The following RIMS2 variants were observed in gnomAD, a reference collection of about 807,000 sequenced individuals.
RIMS2 encodes regulating synaptic membrane exocytosis 2.
A neutral mutation model predicts 174.4 loss-of-function variants in RIMS2; 59 were observed. That is an observed-to-expected ratio of 0.34 (90% CI 0.27 to 0.42). RIMS2 has a LOEUF of 0.42. Ranked by LOEUF, RIMS2 falls within the 10% of genes least tolerant of loss-of-function variation. RIMS2 has a pLI of 1.00. For missense variants in RIMS2, 1,620 were observed against 1,666.3 expected, an observed-to-expected ratio of 0.97 and a Z score of 0.48; for synonymous variants, 606 against 572.5, an observed-to-expected ratio of 1.06 and a Z score of -0.84.
chr8:103,835,444 T>G (rs2098876344), intron 3 of RIMS2, among the ~76,000 whole-genome samples: 1 of 148,038 alleles, frequency 6.8e-6, no homozygotes, highest in Non-Finnish European at 1.5e-5. Context: ...AGGCATTGAT[T>G]GAATTTGGTT....
At chr8:104,228,184 A>G (rs2099201164) in intron 19 of RIMS2, among the ~76,000 whole-genome samples, 1 of 151,962 alleles carries the variant, frequency 6.6e-6, no homozygotes, top group Admixed American at 6.6e-5. Flanking sequence ...ATGTGCCACC[A>G]TGCCTGGCTA....
intron 3 of RIMS2, among the ~76,000 whole-genome samples, chr8:103,876,983 A>G (rs989751009): frequency 2.1e-5 from 3 of 142,366 alleles, no homozygotes; most frequent in Non-Finnish European, 4.6e-5. Flanking sequence ...GGCTGGTTCC[A>G]TATTTTTGTA....
At chr8:103,589,253 T>A (rs944273389) in intron 1 of RIMS2, among the ~76,000 whole-genome samples, 2 of 151,516 alleles carry the variant, frequency 1.3e-5, no homozygotes, top group Non-Finnish European at 3.0e-5. Flanking sequence ...AATAATCCAT[T>A]TAAAAATGGG....
intron 1 of RIMS2, among the ~76,000 whole-genome samples, chr8:103,595,663 T>C (rs1245129573): frequency 1.3e-5 from 2 of 151,932 alleles, no homozygotes; most frequent in African/African-American, 4.8e-5. Flanking sequence ...TATAAGAAGA[T>C]ATAATTTTCT....
intron 19 of RIMS2, among the ~76,000 whole-genome samples, chr8:104,210,348 C>A (rs1207099574): frequency 6.6e-6 from 1 of 152,114 alleles, no homozygotes; most frequent in East Asian, 1.9e-4. Flanking sequence ...ATCTTCATCA[C>A]TGAAAATTGT....
chr8:104,179,964 T>G (rs1018941575), intron 19 of RIMS2, among the ~76,000 whole-genome samples: 2 of 151,874 alleles, frequency 1.3e-5, no homozygotes, highest in African/African-American at 4.8e-5. Context: ...CCTCCACATG[T>G]TCTACTGCAA....
At chr8:103,976,507 A>C (rs2093434172) in intron 16 of RIMS2, 1 of 152,476 alleles carries the variant, frequency 6.6e-6, no homozygotes, top group African/African-American at 2.4e-5. Context: ...ATTAGTAACA[A>C]ATATCAGAAT....
intron 3 of RIMS2, among the ~76,000 whole-genome samples, chr8:103,822,859 T>A (rs1299265720): frequency 6.6e-6 from 1 of 151,944 alleles, no homozygotes; most frequent in Non-Finnish European, 1.5e-5. Flanking sequence ...GCTTTTGTCA[T>A]TAGTAAAAAA....
At chr8:104,225,315 A>C (rs1184087245) in intron 19 of RIMS2, among the ~76,000 whole-genome samples, 2 of 152,196 alleles carry the variant, frequency 1.3e-5, no homozygotes, top group African/African-American at 4.8e-5. Context: ...GGCATTCAGC[A>C]ACACAACCTA....
intron 3 of RIMS2, among the ~76,000 whole-genome samples, chr8:103,769,328 T>C (rs1336280409): frequency 6.6e-6 from 1 of 152,106 alleles, no homozygotes; most frequent in South Asian, 2.1e-4. Context: ...TTTGTTTGTT[T>C]GTTTGTTTTT....
intron 19 of RIMS2, among the ~76,000 whole-genome samples, chr8:104,176,235 A>T (rs2098892866): frequency 6.6e-6 from 1 of 152,112 alleles, no homozygotes; most frequent in Admixed American, 6.6e-5. Context: ...CTTTGCCTGT[A>T]TCTCCAGCTG....
At chr8:104,038,717 G>A (rs938209882) in intron 19 of RIMS2, among the ~76,000 whole-genome samples, 1 of 151,808 alleles carries the variant, frequency 6.6e-6, no homozygotes, top group African/African-American at 2.4e-5. Context: ...ACGTAAGGGA[G>A]TTGACTATAA....
chr8:103,622,180 A>T (rs1424779500), intron 1 of RIMS2, among the ~76,000 whole-genome samples: 1 of 152,152 alleles, frequency 6.6e-6, no homozygotes, highest in African/African-American at 2.4e-5. Context: ...TACTTTTGCT[A>T]TAGTGGATTA....
intron 6 of RIMS2, among the ~76,000 whole-genome samples, chr8:103,913,984 G>T (rs948975521): frequency 6.6e-6 from 1 of 152,148 alleles, no homozygotes; most frequent in African/African-American, 2.4e-5. Context: ...CCATGTGCTT[G>T]CACTCAACCT....
chr8:103,824,565 A>G (rs2098774848), intron 3 of RIMS2, among the ~76,000 whole-genome samples: 1 of 152,228 alleles, frequency 6.6e-6, no homozygotes. Flanking sequence ...ATCTTAAAAT[A>G]TGAGGGCTCT....
intron 19 of RIMS2, among the ~76,000 whole-genome samples, chr8:104,145,233 A>G (rs1382723679): frequency 6.6e-6 from 1 of 152,178 alleles, no homozygotes; most frequent in Admixed American, 6.5e-5. Context: ...TTGAAATGCT[A>G]GGTTAAAGGG....
chr8:103,948,896 T>C (rs1397934182), intron 14 of RIMS2, among the ~76,000 whole-genome samples: 1 of 150,556 alleles, frequency 6.6e-6, no homozygotes, highest in African/African-American at 2.4e-5. Flanking sequence ...GAGGCTGAGG[T>C]GGGAGAATTG....
chr8:103,616,720 C>A (rs1284523316), intron 1 of RIMS2, among the ~76,000 whole-genome samples: 2 of 152,054 alleles, frequency 1.3e-5, no homozygotes, highest in Non-Finnish European at 2.9e-5. Context: ...TATTTCCATG[C>A]ACCAACAATA....
At chr8:103,837,013 C>T (rs780643439) in intron 3 of RIMS2, among the ~76,000 whole-genome samples, 9 of 152,148 alleles carry the variant, frequency 5.9e-5, no homozygotes, top group Non-Finnish European at 1.2e-4. Flanking sequence ...TTTTTTATGA[C>T]GGTTAATACA....
Sources: gnomAD v4.1 joint callset for allele counts (sites outside exome capture counted in the v4.1 genomes callset) on GRCh38, gnomAD v4.1.1 for gene constraint, MANE v1.5 for transcripts, NCBI Gene and HGNC (gene_info 2026-07-23, HGNC 2026-07-21) for gene names.